Variants in NPAS3 observed in about 807,000 individuals in gnomAD.
NPAS3 encodes neuronal PAS domain-containing protein 3.
A neutral mutation model predicts 73.1 loss-of-function variants in NPAS3; 14 were observed. The observed-to-expected ratio is 0.19, with a 90% CI of 0.13 to 0.30. NPAS3 has a LOEUF of 0.30. Among genes scored for constraint, NPAS3 ranks in the 10% least tolerant of loss-of-function variants. The pLI, the probability that NPAS3 is intolerant of heterozygous loss-of-function variation, is 1.00. For synonymous variants in NPAS3, 620 were observed against 541.5 expected (o/e 1.14, Z -2.01); for missense variants, 1,096 against 1,250.0 (o/e 0.88, Z 1.86).
chr14:33,337,518 G>A (rs1481415790), intron 3 of NPAS3, among the ~76,000 whole-genome samples: 3 of 152,004 alleles, frequency 2.0e-5, no homozygotes, highest in Non-Finnish European at 4.4e-5. Flanking sequence ...AAATCAGGTA[G>A]TGTAAGTCCT....
intron 2 of NPAS3, among the ~76,000 whole-genome samples, chr14:33,187,444 T>C (rs936678904): frequency 6.6e-6 from 1 of 152,232 alleles, no homozygotes; most frequent in South Asian, 2.1e-4. Context: ...TTTTGAACCC[T>C]GCTCCAGAGT....
chr14:33,626,495 A>G (rs1468178527), intron 5 of NPAS3, among the ~76,000 whole-genome samples: 1 of 152,200 alleles, frequency 6.6e-6, no homozygotes, highest in South Asian at 2.1e-4. Context: ...CTTTAGCAAT[A>G]TTCCCCAGGG....
At chr14:33,105,053 T>C (rs1245934306) in intron 2 of NPAS3, among the ~76,000 whole-genome samples, 2 of 152,170 alleles carry the variant, frequency 1.3e-5, no homozygotes, top group Admixed American at 6.6e-5. Flanking sequence ...GCATCTACTA[T>C]ATCTTGGAGA....
At chr14:32,975,261 T>C (rs1595131120) in intron 1 of NPAS3, among the ~76,000 whole-genome samples, 1 of 75,214 alleles carries the variant, frequency 1.3e-5, no homozygotes, top group South Asian at 4.9e-4. Flanking sequence ...AGTATGGTTG[T>C]TTTTTTTCTT....
intron 3 of NPAS3, among the ~76,000 whole-genome samples, chr14:33,274,521 G>T (rs1023534533): frequency 6.6e-6 from 1 of 151,888 alleles, no homozygotes; most frequent in Non-Finnish European, 1.5e-5. Flanking sequence ...GCCGCTACCC[G>T]CTGTTTCCAT....
rs1295538048 is a variant in NPAS3, at chr14:33,446,137, C to CCAT, written c.468+78871_468+78873dup. On this transcript the variant is annotated intron_variant, in intron 4 of 11. Transcript: ENST00000356141. ...CAGTTTTCATCTTGGATTATTTTTTCCATCTTCTCTAGGGACACTTCATGC... is the reference window on the plus strand; with the variant it reads ...CAGTTTTCATCTTGGATTATTTTTTCCATCATCTTCTCTAGGGACACTTCATGC... Among the ~76,000 whole-genome samples the CCAT allele has an allele frequency of 6.6e-5, 10 of 150,654 alleles. No homozygotes were observed. In the South Asian group the frequency reaches 1.9e-3, roughly 29 times the overall value.
chr14:32,951,037 A>C (rs181506341), intron 1 of NPAS3, among the ~76,000 whole-genome samples: 17 of 152,272 alleles, frequency 1.1e-4, no homozygotes, highest in Admixed American at 9.8e-4. Flanking sequence ...GCAATACATT[A>C]TGAATTACCA....
chr14:33,382,999 A>G (rs2046621376), intron 4 of NPAS3, among the ~76,000 whole-genome samples: 1 of 151,106 alleles, frequency 6.6e-6, no homozygotes, highest in African/African-American at 2.4e-5. Flanking sequence ...AGGCAGGAAA[A>G]TTGCTGGAGC....
chr14:33,719,936 G>C (rs2061059827), intron 6 of NPAS3, among the ~76,000 whole-genome samples: 1 of 152,068 alleles, frequency 6.6e-6, no homozygotes, highest in Admixed American at 6.6e-5. Context: ...GATAATAACA[G>C]AATTTGGGAG....
intron 2 of NPAS3, among the ~76,000 whole-genome samples, chr14:33,207,259 A>G (rs1004930551): frequency 1.0e-3 from 28 of 28,096 alleles, no homozygotes; most frequent in African/African-American, 3.3e-3. Flanking sequence ...ACACACACAC[A>G]CACACACGCA....
intron 5 of NPAS3, among the ~76,000 whole-genome samples, chr14:33,668,872 T>C (rs1436270159): frequency 2.6e-5 from 4 of 152,126 alleles, no homozygotes; most frequent in African/African-American, 9.7e-5. Flanking sequence ...ATTTCAATCT[T>C]ACAAGCATTT....
chr14:33,240,829 C>A (rs1474406119), intron 3 of NPAS3, among the ~76,000 whole-genome samples: 1 of 151,904 alleles, frequency 6.6e-6, no homozygotes, highest in Non-Finnish European at 1.5e-5. Flanking sequence ...GATCAGCTGC[C>A]ATTTTAAAAG....
intron 4 of NPAS3, among the ~76,000 whole-genome samples, chr14:33,447,232 A>G (rs553099228): frequency 2.0e-5 from 3 of 152,326 alleles, no homozygotes; most frequent in Admixed American, 6.5e-5. Flanking sequence ...CTAAGTTTTT[A>G]TGGGTGGGTA....
At chr14:32,972,112 G>A (rs2037456910) in intron 1 of NPAS3, among the ~76,000 whole-genome samples, 1 of 151,764 alleles carries the variant, frequency 6.6e-6, no homozygotes, top group Non-Finnish European at 1.5e-5. Context: ...CTAATTCTTT[G>A]TATTTTTAGT....
chr14:33,529,537 C>G (rs1232115264), intron 4 of NPAS3, among the ~76,000 whole-genome samples: 2 of 151,998 alleles, frequency 1.3e-5, no homozygotes, highest in African/African-American at 4.8e-5. Context: ...GTGACACCAT[C>G]CTATATTTGT....
At chr14:33,518,592 ATTT>A (rs71433619) in intron 4 of NPAS3, among the ~76,000 whole-genome samples, 343 of 128,824 alleles carry the variant, frequency 2.7e-3, no homozygotes, top group Middle Eastern at 0.013. Flanking sequence ...GACATCAAGG[ATTT>A]TTTTTTTTTT....
At chr14:33,630,579 A>G (rs2058350862) in intron 5 of NPAS3, among the ~76,000 whole-genome samples, 1 of 152,238 alleles carries the variant, frequency 6.6e-6, no homozygotes, top group South Asian at 2.1e-4. Flanking sequence ...ATTGGCCAAG[A>G]GAGGAAAAAA....
At chr14:33,490,526 G>A (rs1239043209) in intron 4 of NPAS3, among the ~76,000 whole-genome samples, 1 of 152,086 alleles carries the variant, frequency 6.6e-6, no homozygotes, top group Non-Finnish European at 1.5e-5. Context: ...GTTCAGAGAT[G>A]GTTAGATATT....
At chr14:33,656,576 T>A (rs1033947034) in intron 5 of NPAS3, among the ~76,000 whole-genome samples, 2 of 152,186 alleles carry the variant, frequency 1.3e-5, no homozygotes, top group Admixed American at 6.5e-5. Flanking sequence ...CTTTTTAAAA[T>A]TTTTTAATTG....
Sources: allele counts gnomAD v4.1 joint callset (sites outside exome capture counted in the v4.1 genomes callset), GRCh38; gene constraint gnomAD v4.1.1; transcripts MANE v1.5; gene names NCBI Gene and HGNC (gene_info 2026-07-23, HGNC 2026-07-21).